Variants in EPC2 observed in about 807,000 individuals in gnomAD.
The protein encoded by EPC2 is enhancer of polycomb 2, also known as enhancer of polycomb homolog 2.
EPC2 carries 14 observed loss-of-function variants against 92.1 expected under a neutral mutation model. That is an observed-to-expected ratio of 0.15 (90% CI 0.10 to 0.24). The LOEUF is 0.24. EPC2 is among the 10% of genes least tolerant of loss of function. EPC2 has a pLI of 1.00. For synonymous variants in EPC2, 340 were observed against 334.7 expected (o/e 1.02, Z -0.17); for missense variants, 755 against 971.5 (o/e 0.78, Z 2.96).
intron 1 of EPC2, among the ~76,000 whole-genome samples, chr2:148,685,046 C>A (rs1681486471): frequency 6.6e-6 from 1 of 152,068 alleles, no homozygotes; most frequent in African/African-American, 2.4e-5. Context: ...TGTAAATTGC[C>A]TATTTATATC....
At chr2:148,663,296 G>C (rs969778225) in intron 1 of EPC2, among the ~76,000 whole-genome samples, 3 of 149,820 alleles carry the variant, frequency 2.0e-5, no homozygotes, top group Non-Finnish European at 4.4e-5. Context: ...TTGGCTCACT[G>C]CAAGCTCCGT....
At chr2:148,663,527 G>A (rs1300473516) in intron 1 of EPC2, among the ~76,000 whole-genome samples, 2 of 138,544 alleles carry the variant, frequency 1.4e-5, no homozygotes, top group African/African-American at 5.4e-5. Context: ...CAAGTTTTTT[G>A]TATTATTTAA....
At chr2:148,683,813 A>G (rs1333214540) in intron 1 of EPC2, among the ~76,000 whole-genome samples, 2 of 152,250 alleles carry the variant, frequency 1.3e-5, no homozygotes, top group Non-Finnish European at 2.9e-5. Context: ...TTGCAATTGC[A>G]AATTGTACTG....
At chr2:148,762,837 G>C in intron 6 of EPC2, 35 bp downstream of exon 6, 1 of 1,565,624 alleles carries the variant, frequency 6.4e-7, no homozygotes, top group African/African-American at 1.4e-5. Flanking sequence ...TGTATGGATG[G>C]TAATGTTGAT....
At chr2:148,782,352 C>T (rs1014869353) in intron 11 of EPC2, among the ~76,000 whole-genome samples, 4 of 151,950 alleles carry the variant, frequency 2.6e-5, no homozygotes, top group Non-Finnish European at 5.9e-5. Context: ...GCCTGGTCAA[C>T]GTGGCAAAAC....
chr2:148,659,030 G>GA (rs900394044), intron 1 of EPC2, among the ~76,000 whole-genome samples: 1 of 152,000 alleles, frequency 6.6e-6, no homozygotes, highest in African/African-American at 2.4e-5. Flanking sequence ...GGTGGTGGCA[G>GA]AAAACTAGAG....
chr2:148,722,608 A>G (rs1441424922), intron 2 of EPC2, among the ~76,000 whole-genome samples: 2 of 152,210 alleles, frequency 1.3e-5, no homozygotes, highest in African/African-American at 2.4e-5. Flanking sequence ...TTGTGGAAGC[A>G]GCGTAGCGAT....
rs1280948561 is a variant in EPC2, at chr2:148,775,871, G to A, written c.1720+4484G>A. Among the ~76,000 whole-genome samples the A allele has an allele frequency of 8.7e-5, 12 of 137,860 alleles. No homozygotes were observed. In the South Asian group the frequency reaches 2.1e-3, roughly 24 times the overall value. 90.4% of individuals were successfully genotyped at this position (137,860 alleles called of 152,430 possible). On this transcript the variant is annotated intron_variant, in intron 10 of 13. Transcript: ENST00000258484. ...CGGCTCACTGCAAGCTCTGCCTCCC[G>A]GGTTCACGCCATTCTCCTGCCTCAG...
chr2:148,725,060 A>G (rs1397414164), intron 2 of EPC2, among the ~76,000 whole-genome samples: 1 of 152,122 alleles, frequency 6.6e-6, no homozygotes, highest in East Asian at 1.9e-4. Context: ...AAATTGAAAT[A>G]TCGATGAATT....
chr2:148,712,379 C>T (rs181863390), intron 2 of EPC2, among the ~76,000 whole-genome samples: 51 of 152,030 alleles, frequency 3.4e-4, no homozygotes, highest in African/African-American at 9.9e-4. Context: ...CTAATTCCTC[C>T]TTTCTGTCCC....
At chr2:148,656,057 A>G (rs568867332) in intron 1 of EPC2, among the ~76,000 whole-genome samples, 91 of 129,160 alleles carry the variant, frequency 7.0e-4, no homozygotes, top group African/African-American at 2.2e-3. Context: ...GAAAATTTCT[A>G]GACAAAGGCT....
chr2:148,735,132 C>G (rs905654846), intron 2 of EPC2, among the ~76,000 whole-genome samples: 4 of 151,828 alleles, frequency 2.6e-5, no homozygotes, highest in African/African-American at 9.7e-5. Flanking sequence ...TCATCTTGTC[C>G]ACATTTATGA....
intron 10 of EPC2, 64 bp from the exon 11 acceptor site, chr2:148,781,580 T>C: frequency 6.9e-7 from 1 of 1,448,910 alleles, no homozygotes; most frequent in Non-Finnish European, 9.4e-7. Flanking sequence ...TATATCATAT[T>C]CTGCTTGTGT....
chr2:148,700,484 C>A (rs1285059227), intron 2 of EPC2, among the ~76,000 whole-genome samples: 3 of 133,902 alleles, frequency 2.2e-5, no homozygotes, highest in South Asian at 3.0e-4. Flanking sequence ...AGACTCCCCC[C>A]CTCCCCCCCG....
chr2:148,677,562 G>A (rs1404529991), intron 1 of EPC2, among the ~76,000 whole-genome samples: 1 of 152,206 alleles, frequency 6.6e-6, no homozygotes, highest in Non-Finnish European at 1.5e-5. Flanking sequence ...TGTATTCCCA[G>A]CTACTTGAGA....
rs1438090949 is a variant in EPC2 at position 148,771,153 on chromosome 2, A to C, written c.1486A>C (p.Asn496His). 5.0e-6 allele frequency: 8 copies of C among 1,613,874 alleles called. No homozygotes were observed. Among genetic ancestry groups the C allele is most frequent in the Non-Finnish European group, 6.8e-6 (8 of 1,179,874 alleles). Reference protein sequence around the residue: ...SSSQTIDFSSNFSRTNASSKH... With the variant: ...SSSQTIDFSSHFSRTNASSKH... The stretch of plus-strand genomic sequence containing the variant: ...TTCCCAAACTATAGACTTTTCTTCT[A>C]ATTTCTCTCGGACCAATGCTTCCAG... The change falls in exon 10 of 14, where the codon AAT (asparagine) becomes CAT (histidine). Residue 496 changes from asparagine to histidine, a missense_variant. Asn to His is a moderately conservative substitution (Grantham distance 68). This residue lies in a region of EPC2 where 509 missense variants were observed against 607.7 expected (regional missense o/e 0.84). Transcript: ENST00000258484.
chr2:148,663,179 A>G (rs1680974460), intron 1 of EPC2, among the ~76,000 whole-genome samples: 1 of 144,098 alleles, frequency 6.9e-6, no homozygotes, highest in Non-Finnish European at 1.5e-5. Flanking sequence ...CTCAAAAGGT[A>G]TCTACTGTGT....
chr2:148,740,808 T>C (rs1235032719), intron 2 of EPC2, among the ~76,000 whole-genome samples: 2 of 152,196 alleles, frequency 1.3e-5, no homozygotes, highest in Non-Finnish European at 2.9e-5. Context: ...TAAAATGTCT[T>C]CTAGCTGTAT....
At chr2:148,679,444 C>G (rs1296524164) in intron 1 of EPC2, among the ~76,000 whole-genome samples, 1 of 152,136 alleles carries the variant, frequency 6.6e-6, no homozygotes, top group East Asian at 1.9e-4. Flanking sequence ...TGCAGAGGCT[C>G]TCTGAGAACT....
Sources: gnomAD v4.1 joint callset for allele counts (sites outside exome capture counted in the v4.1 genomes callset) on GRCh38, gnomAD v4.1.1 for gene constraint, gnomAD v4.1.1 regional missense constraint, MANE v1.5 for transcripts, NCBI Gene and HGNC (gene_info 2026-07-23, HGNC 2026-07-21) for gene names.